ATP10B: variants seen among roughly 807,000 people sequenced by gnomAD.
The protein encoded by ATP10B is phospholipid-transporting ATPase VB.
In ATP10B, 122 loss-of-function variants were observed where a neutral mutation model predicts 141.2. The ratio of observed to expected loss-of-function variants is 0.86; its 90% confidence interval spans 0.75 to 1.00. ATP10B has a LOEUF of 1.00. Ranked by LOEUF, ATP10B falls within the 50% of genes least tolerant of loss-of-function variation. The pLI, the probability that ATP10B is intolerant of heterozygous loss-of-function variation, is 0.00. For missense variants in ATP10B, 1,876 were observed against 1,825.3 expected (o/e 1.03, Z -0.51); for synonymous variants, 685 against 692.0 (o/e 0.99, Z 0.16).
chr5:160,873,464 G>C, the ATP10B span, among the ~76,000 whole-genome samples: 1 of 152,218 alleles, frequency 6.6e-6, no homozygotes, highest in Non-Finnish European at 1.5e-5. Flanking sequence ...TTTGTTCACA[G>C]ATGACATGAT....
intron 6 of ATP10B, chr5:160,685,156 T>A (rs1241289348): frequency 1.5e-6 from 1 of 689,552 alleles, no homozygotes; most frequent in South Asian, 1.6e-5. Flanking sequence ...AAAGAGCAAG[T>A]TAGAGACCAC....
intron 2 of ATP10B, among the ~76,000 whole-genome samples, chr5:160,725,169 T>C (rs193301366): frequency 7.2e-4 from 110 of 152,314 alleles, no homozygotes; most frequent in Non-Finnish European, 5.7e-4. Context: ...GGAGAAAGAA[T>C]GACTGCAAAA....
At chr5:160,652,876 AATAT>A (rs572715234) in intron 7 of ATP10B, among the ~76,000 whole-genome samples, 13 of 49,420 alleles carry the variant, frequency 2.6e-4, no homozygotes, top group African/African-American at 2.5e-4. Flanking sequence ...TAATATATAT[AATAT>A]ATATATAATT....
chr5:160,906,343 A>T, the ATP10B span, among the ~76,000 whole-genome samples: 1 of 152,002 alleles, frequency 6.6e-6, no homozygotes, highest in Non-Finnish European at 1.5e-5. Context: ...ACAATCGACC[A>T]GTTCACTCTC....
At chr5:160,833,119 G>C (rs1261647405) in intron 1 of ATP10B, among the ~76,000 whole-genome samples, 1 of 152,170 alleles carries the variant, frequency 6.6e-6, no homozygotes, top group African/African-American at 2.4e-5. Context: ...TAGTATGATG[G>C]AGAGATTTAA....
chr5:160,705,994 A>G (rs1235122339), intron 3 of ATP10B, among the ~76,000 whole-genome samples: 1 of 152,192 alleles, frequency 6.6e-6, no homozygotes, highest in African/African-American at 2.4e-5. Flanking sequence ...TCTGTGTCTC[A>G]GGGAATAAGG....
chr5:160,688,673 C>T (rs1173724510), intron 4 of ATP10B, 87 bp downstream of exon 4: 1 of 766,406 alleles, frequency 1.3e-6, no homozygotes, highest in South Asian at 6.0e-5. Flanking sequence ...TGGGACACAT[C>T]TTAAAACAAA....
At chr5:160,855,170 T>C (rs1268277450), upstream of ATP10B, among the ~76,000 whole-genome samples, 1 of 152,154 alleles carries the variant, frequency 6.6e-6, no homozygotes, top group African/African-American at 2.4e-5. Flanking sequence ...ATTTTAATCC[T>C]AGATGTATTT....
intron 1 of ATP10B, among the ~76,000 whole-genome samples, chr5:160,824,022 C>T (rs1375205920): frequency 6.6e-6 from 1 of 151,866 alleles, no homozygotes; most frequent in African/African-American, 2.4e-5. Context: ...ACCATGTTTA[C>T]ACATTTTTCT....
chr5:160,759,454 G>A (rs1375360765), intron 2 of ATP10B, among the ~76,000 whole-genome samples: 4 of 152,148 alleles, frequency 2.6e-5, no homozygotes, highest in African/African-American at 9.7e-5. Context: ...TAAATGATGT[G>A]TCTATAATTA....
chr5:160,864,887 T>C, the ATP10B span, among the ~76,000 whole-genome samples: 1 of 152,074 alleles, frequency 6.6e-6, no homozygotes, highest in Admixed American at 6.6e-5. Flanking sequence ...GAAAGGTTTC[T>C]GCAAGGAAAA....
At chr5:160,743,888 T>C (rs1270218607) in intron 2 of ATP10B, among the ~76,000 whole-genome samples, 4 of 152,218 alleles carry the variant, frequency 2.6e-5, no homozygotes, top group Middle Eastern at 3.4e-3. Flanking sequence ...TAGTGGCCTG[T>C]AGTGGGCAGA....
At chr5:160,797,024 C>T (rs987342280) in intron 1 of ATP10B, among the ~76,000 whole-genome samples, 11 of 152,258 alleles carry the variant, frequency 7.2e-5, no homozygotes, top group African/African-American at 1.7e-4. Context: ...GTTCCAGCTG[C>T]TTGGGGGCAC....
intron 1 of ATP10B, among the ~76,000 whole-genome samples, chr5:160,845,288 G>C (rs1348730487): frequency 1.3e-5 from 2 of 152,066 alleles, no homozygotes; most frequent in Non-Finnish European, 2.9e-5. Flanking sequence ...CCATGACTGT[G>C]GACATGACAT....
In ATP10B at chr5:160,563,938, T is replaced by A. The variant is rs1212702165; in HGVS notation, c.*1515A>T. On this transcript the variant is annotated 3_prime_UTR_variant, in exon 26 of 26. Transcript: ENST00000327245. ...TGGCATCATTATATGGCAGAGGCAG[T>A]GAAACAGTGTATTAGCTCCAGGACA... is the stretch of plus-strand genomic sequence containing the variant. 6.6e-6 allele frequency: 1 copy of A among 152,188 alleles called. No individual in the cohort carries two copies. Among genetic ancestry groups the A allele is most frequent in the Non-Finnish European group, 1.5e-5 (1 of 68,038 alleles). 9.4% of individuals were successfully genotyped at this position (152,188 alleles called of 1,614,324 possible).
At chr5:160,907,523 C>T in the ATP10B span, among the ~76,000 whole-genome samples, 17 of 152,126 alleles carry the variant, frequency 1.1e-4, no homozygotes, top group African/African-American at 2.9e-4. Context: ...CTGCGCCCAG[C>T]TAATCTTTAA....
chr5:160,682,493 C>T (rs539370014), intron 6 of ATP10B, among the ~76,000 whole-genome samples: 6 of 152,172 alleles, frequency 3.9e-5, no homozygotes, highest in Non-Finnish European at 7.3e-5. Flanking sequence ...GCAGCCTGGC[C>T]TAGGTCCTGC....
the ATP10B span, among the ~76,000 whole-genome samples, chr5:160,917,168 T>C: frequency 2.6e-5 from 4 of 151,892 alleles, no homozygotes; most frequent in Middle Eastern, 6.8e-3. Flanking sequence ...ATTTGTCTTA[T>C]AAGAGGCAAA....
intron 2 of ATP10B, among the ~76,000 whole-genome samples, chr5:160,775,060 A>T (rs1279961334): frequency 2.6e-5 from 4 of 152,156 alleles, no homozygotes; most frequent in Non-Finnish European, 1.5e-5. Flanking sequence ...GGCAGAACTG[A>T]AGTTTGTTTG....
Sources: gnomAD v4.1 joint callset for allele counts (sites outside exome capture counted in the v4.1 genomes callset) on GRCh38, gnomAD v4.1.1 for gene constraint, MANE v1.5 for transcripts, NCBI Gene and HGNC (gene_info 2026-07-23, HGNC 2026-07-21) for gene names.